EMC8: variants seen among roughly 807,000 people sequenced by gnomAD.
The protein encoded by EMC8 is COX4 neighbor.
A neutral mutation model predicts 24.3 loss-of-function variants in EMC8; 11 were observed. That is an observed-to-expected ratio of 0.45 (90% CI 0.28 to 0.75). EMC8 has a LOEUF of 0.75. EMC8 is among the 30% of genes least tolerant of loss of function. EMC8 has a pLI of 0.12. For synonymous variants in EMC8, 145 were observed against 117.7 expected (o/e 1.23, Z -1.50); for missense variants, 277 against 282.7 (o/e 0.98, Z 0.14).
chr16:85,796,900 C>CTTG (rs1362139338), intron 1 of EMC8, among the ~76,000 whole-genome samples: 1 of 152,252 alleles, frequency 6.6e-6, no homozygotes, highest in African/African-American at 2.4e-5. Context: ...AGGTGCTGTG[C>CTTG]TTGCTGGCTT....
At chr16:85,786,828 G>C (rs375783658) in intron 2 of EMC8, among the ~76,000 whole-genome samples, 1 of 152,196 alleles carries the variant, frequency 6.6e-6, no homozygotes, top group Admixed American at 6.5e-5. Context: ...ACAGAGGTAA[G>C]AACATGAGAG....
At chr16:85,798,759 CCCA>C (rs1213408642) in intron 1 of EMC8, 21 of 355,074 alleles carry the variant, frequency 5.9e-5, no homozygotes, top group African/African-American at 2.9e-4. Flanking sequence ...CTGTCGAATC[CCCA>C]CCAAGTGAAC....
At chr16:85,783,872 G>C (rs1209935804) in intron 2 of EMC8, among the ~76,000 whole-genome samples, 1 of 152,172 alleles carries the variant, frequency 6.6e-6, no homozygotes. Context: ...GGAGTTCTGA[G>C]GATTTATTTC....
intron 2 of EMC8, chr16:85,784,586 T>C (rs1477634121): frequency 2.0e-5 from 3 of 151,950 alleles, no homozygotes; most frequent in East Asian, 3.9e-4. Context: ...TAGAAGCCAA[T>C]CGTACTGAAG....
chr16:85,791,667 T>C (rs1368473061), intron 1 of EMC8, among the ~76,000 whole-genome samples: 2 of 152,214 alleles, frequency 1.3e-5, no homozygotes, highest in Non-Finnish European at 2.9e-5. Flanking sequence ...GCTGTGCTTC[T>C]TCAGGATGCT....
Position 85,785,862 on chromosome 16 carries a change from T to G in EMC8, c.308+3112A>C, listed in dbSNP as rs552739125. Reference sequence around the variant, plus strand: ...TAGGTGCCATCTTACAATGTGTATCTAAAAGCTTCCTCCTGAGTGTCTGCC... The same window carrying G: ...TAGGTGCCATCTTACAATGTGTATCGAAAAGCTTCCTCCTGAGTGTCTGCC... On this transcript the variant is annotated intron_variant, in intron 2 of 4. Coordinates refer to ENST00000253457, the MANE Select transcript of EMC8 (RefSeq NM_006067.5). Among the ~76,000 whole-genome samples, 68 of 152,274 alleles carry G rather than the reference T, an allele frequency of 4.5e-4. 3 individuals are homozygous for G. In the South Asian group the frequency reaches 0.013, roughly 30 times the overall value.
chr16:85,796,467 G>A (rs1453178033), intron 1 of EMC8, among the ~76,000 whole-genome samples: 2 of 152,064 alleles, frequency 1.3e-5, no homozygotes, highest in Non-Finnish European at 2.9e-5. Flanking sequence ...CATCCTTTCT[G>A]CTGCAGGCTG....
chr16:85,782,971 A>T (rs1567826857), intron 2 of EMC8, among the ~76,000 whole-genome samples: 1 of 152,078 alleles, frequency 6.6e-6, no homozygotes, highest in Admixed American at 6.6e-5. Flanking sequence ...CCGGTCTCAT[A>T]ATTTCTACGG....
intron 2 of EMC8, among the ~76,000 whole-genome samples, chr16:85,788,263 G>A (rs540419021): frequency 5.2e-5 from 8 of 152,384 alleles, no homozygotes; most frequent in Non-Finnish European, 8.8e-5. Context: ...CTTTTCTCAA[G>A]GTGGACTTGT....
chr16:85,790,110 A>G (rs1306977725), intron 1 of EMC8, among the ~76,000 whole-genome samples: 2 of 151,912 alleles, frequency 1.3e-5, no homozygotes, highest in African/African-American at 2.4e-5. Context: ...AATAAAGTCT[A>G]TTCTCAGTCT....
At chr16:85,792,547 A>G (rs906686716) in intron 1 of EMC8, 5 of 152,222 alleles carry the variant, frequency 3.3e-5, no homozygotes, top group African/African-American at 1.2e-4. Context: ...ATGAGTTCTA[A>G]TAAGGGTAGT....
Position 85,779,603 on chromosome 16 carries a change from G to T in EMC8, c.*105C>A. Reference sequence around the variant, plus strand: ...AAGGCACATGCCACTTCTTAAAACGGTCAGCTTTCCACACAGGCTACAAGA... The same window carrying T: ...AAGGCACATGCCACTTCTTAAAACGTTCAGCTTTCCACACAGGCTACAAGA... On this transcript the variant is annotated 3_prime_UTR_variant, in exon 5 of 5. Transcript: ENST00000253457. 9 of 1,240,754 alleles carry T rather than the reference G, an allele frequency of 7.3e-6. No homozygotes were observed. Among genetic ancestry groups the T allele is most frequent in the Non-Finnish European group, 9.2e-6 (8 of 868,996 alleles). The allele number at this position is 1,240,754 out of a possible 1,614,324, so 76.9% of individuals were successfully genotyped here.
At chr16:85,786,780 A>T (rs1336004606) in intron 2 of EMC8, among the ~76,000 whole-genome samples, 1 of 152,218 alleles carries the variant, frequency 6.6e-6, no homozygotes, top group South Asian at 2.1e-4. Flanking sequence ...ACTGTGTCCG[A>T]GTAGGATAAT....
At chr16:85,781,487 G>C (rs1317604022) in intron 2 of EMC8, 2 of 538,016 alleles carry the variant, frequency 3.7e-6, no homozygotes, top group Admixed American at 3.1e-5. Flanking sequence ...CTGGAGTGTA[G>C]TGACGCAATC....
At chr16:85,780,855 G>A (rs1904458816) in intron 3 of EMC8, 1 of 441,936 alleles carries the variant, frequency 2.3e-6, no homozygotes. Context: ...CACTTGGCAT[G>A]TTCAGACCAG....
At chr16:85,793,702 C>A (rs1328656956) in intron 1 of EMC8, among the ~76,000 whole-genome samples, 2 of 152,144 alleles carry the variant, frequency 1.3e-5, no homozygotes, top group Non-Finnish European at 2.9e-5. Context: ...AGTGAGCAAG[C>A]CAGCAAGTCA....
rs771586349 is a variant in EMC8, at chr16:85,780,443, C to T, written c.409G>A (p.Val137Ile). The T allele has an allele frequency of 2.5e-5, 41 of 1,614,028 alleles. No homozygotes were observed. The highest frequency in any genetic ancestry group is 3.2e-5 in the Non-Finnish European group (38 of 1,179,994). Residue 137 changes from valine (V) to isoleucine (I), a missense_variant, in exon 4 of 5, where the codon GTA becomes ATA. Coordinates refer to ENST00000253457, the MANE Select transcript of EMC8 (RefSeq NM_006067.5). ...TCGTACACGTGGATCGTAGGCGCTACGCAGTCCATCGTAAACTTGGTGTTG... is the reference window on the plus strand; with the variant it reads ...TCGTACACGTGGATCGTAGGCGCTATGCAGTCCATCGTAAACTTGGTGTTG... ...VDNTKFTMDC[V>I]APTIHVYEHH...
intron 1 of EMC8, among the ~76,000 whole-genome samples, chr16:85,796,247 A>T (rs1276220569): frequency 6.6e-6 from 1 of 152,092 alleles, no homozygotes; most frequent in African/African-American, 2.4e-5. Context: ...TTCCCTCAAC[A>T]AATGGCACCA....
Position 85,799,347 on chromosome 16 carries a change from C to T in EMC8, c.-52G>A, listed in dbSNP as rs757327852. 8.3e-7 allele frequency: 1 copy of T among 1,211,812 alleles called. No individual in the cohort carries two copies. Among genetic ancestry groups the T allele is most frequent in the Non-Finnish European group, 1.1e-6 (1 of 902,274 alleles). The allele number at this position is 1,211,812 out of a possible 1,614,324, so 75.1% of individuals were successfully genotyped here. A position where few individuals can be genotyped will look rare whatever the true frequency, so the allele number is the denominator to read the frequency against. On this transcript the variant is annotated 5_prime_UTR_variant, in exon 1 of 5. Transcript: ENST00000253457. This position sits in a 1 kb window ranked among gnomAD's most constrained non-coding sequence, Gnocchi z 4.2. The stretch of plus-strand genomic sequence containing the variant: ...CCTGGGCGCGCGGCTGAGGCCTGGA[C>T]CCGCTGCCTGGCCGCGCGGCGCCTC...
Sources: gnomAD v4.1 joint callset for allele counts (sites outside exome capture counted in the v4.1 genomes callset) on GRCh38, gnomAD v4.1.1 for gene constraint, Gnocchi (gnomAD v3.1) non-coding constraint, MANE v1.5 for transcripts, NCBI Gene and HGNC (gene_info 2026-07-23, HGNC 2026-07-21) for gene names.